WDR7: variants seen among roughly 807,000 people sequenced by gnomAD.
WDR7 encodes WD repeat domain 7.
In WDR7, 46 loss-of-function variants were observed where a neutral mutation model predicts 169.4. That is an observed-to-expected ratio of 0.27 (90% CI 0.21 to 0.35). The LOEUF (loss-of-function observed/expected upper bound fraction) is 0.35. Among genes scored for constraint, WDR7 ranks in the 10% least tolerant of loss-of-function variants. WDR7 has a pLI of 1.00. For synonymous variants in WDR7, 612 were observed against 666.8 expected, an observed-to-expected ratio of 0.92 and a Z score of 1.27; for missense variants, 1,534 against 1,859.3, an observed-to-expected ratio of 0.83 and a Z score of 3.22.
chr18:56,813,851 A>C (rs1449667679), intron 19 of WDR7, among the ~76,000 whole-genome samples: 15 of 152,068 alleles, frequency 9.9e-5, no homozygotes. Flanking sequence ...AGTTACTTTG[A>C]GATGTACTTG....
At chr18:56,924,171 G>A (rs2046770277) in intron 22 of WDR7, 63 bp downstream of exon 22, 1 of 1,574,628 alleles carries the variant, frequency 6.4e-7, no homozygotes, top group Non-Finnish European at 8.6e-7. Context: ...TTTTTTTGGT[G>A]GGTTTATTGA....
At chr18:57,013,557 TG>T (rs2048167038) in intron 26 of WDR7, among the ~76,000 whole-genome samples, 1 of 152,194 alleles carries the variant, frequency 6.6e-6, no homozygotes, top group Admixed American at 6.5e-5. Context: ...CCAGGTGATA[TG>T]ATGTAAGTGT....
chr18:56,821,000 T>C (rs1449602278), intron 20 of WDR7, among the ~76,000 whole-genome samples: 1 of 152,214 alleles, frequency 6.6e-6, no homozygotes, highest in Non-Finnish European at 1.5e-5. Flanking sequence ...AGTAATATTA[T>C]ATAGTATCAT....
chr18:56,989,216 C>T (rs1275661050), intron 26 of WDR7, among the ~76,000 whole-genome samples: 1 of 152,056 alleles, frequency 6.6e-6, no homozygotes, highest in Non-Finnish European at 1.5e-5. Flanking sequence ...TGTCTGTACT[C>T]TCCAGTGTGA....
intron 21 of WDR7, among the ~76,000 whole-genome samples, chr18:56,889,983 A>G (rs1037000795): frequency 3.3e-5 from 5 of 152,160 alleles, no homozygotes; most frequent in East Asian, 1.9e-4. Flanking sequence ...TCTACCTGCC[A>G]TTACATGGAA....
At chr18:56,824,601 C>T (rs2045163968) in intron 20 of WDR7, among the ~76,000 whole-genome samples, 1 of 152,190 alleles carries the variant, frequency 6.6e-6, no homozygotes, top group Non-Finnish European at 1.5e-5. Context: ...TCTCCTTAAC[C>T]TCCCTGCCCA....
At chr18:56,764,936 G>A (rs1243849658) in intron 16 of WDR7, among the ~76,000 whole-genome samples, 4 of 152,048 alleles carry the variant, frequency 2.6e-5, no homozygotes, top group Non-Finnish European at 4.4e-5. Flanking sequence ...CTTATTAGGT[G>A]CATAAACCTT....
chr18:56,958,949 G>C (rs186856878), intron 25 of WDR7, among the ~76,000 whole-genome samples: 1 of 152,252 alleles, frequency 6.6e-6, no homozygotes, highest in Admixed American at 6.5e-5. Context: ...CAAAGTCCCA[G>C]ATGGAGGATA....
intron 26 of WDR7, among the ~76,000 whole-genome samples, chr18:57,012,514 G>C (rs1334385896): frequency 6.6e-6 from 1 of 152,178 alleles, no homozygotes; most frequent in African/African-American, 2.4e-5. Context: ...ACTGTTGCCT[G>C]TCCAGAATGA....
At chr18:56,939,210 A>C (rs2047001685) in intron 24 of WDR7, 101 bp from the exon 25 acceptor site, 1 of 762,332 alleles carries the variant, frequency 1.3e-6, no homozygotes, top group Admixed American at 3.0e-5. Context: ...AAATAAAGCT[A>C]TATAGACTTT....
chr18:56,820,848 T>C lies in WDR7; in HGVS notation c.3304+4704T>C, dbSNP rs145408035. ...TTAGAGACTAGCTTATGTTCTCCTT[T>C]TACAATCAAATAAATTAATATCATT... On this transcript the variant is annotated intron_variant, in intron 20 of 27. Coordinates refer to ENST00000254442, the MANE Select transcript of WDR7 (RefSeq NM_015285.3). Among the ~76,000 whole-genome samples the C allele has an allele frequency of 1.8e-4, 28 of 152,274 alleles. No individual in the cohort carries two copies. The East Asian group carries it at 5.4e-3, about 29-fold the overall frequency.
intron 16 of WDR7, among the ~76,000 whole-genome samples, chr18:56,764,351 G>C (rs1480085691): frequency 1.3e-5 from 2 of 151,948 alleles, no homozygotes; most frequent in Non-Finnish European, 2.9e-5. Flanking sequence ...TCATTTTATG[G>C]TCAGATACTA....
chr18:56,985,290 TATAA>T (rs1455801168), intron 26 of WDR7, among the ~76,000 whole-genome samples: 2 of 152,204 alleles, frequency 1.3e-5, no homozygotes, highest in Admixed American at 1.3e-4. Context: ...GCATGATTAA[TATAA>T]ATATTATACT....
intron 25 of WDR7, among the ~76,000 whole-genome samples, chr18:56,946,761 C>T (rs1272493969): frequency 6.6e-6 from 1 of 151,868 alleles, no homozygotes; most frequent in East Asian, 1.9e-4. Context: ...TTTCAAAAGC[C>T]ATGAAAGTAA....
At chr18:56,980,722 G>T (rs183565264) in intron 26 of WDR7, among the ~76,000 whole-genome samples, 3 of 152,174 alleles carry the variant, frequency 2.0e-5, no homozygotes, top group Non-Finnish European at 4.4e-5. Context: ...ATGAGTAAGG[G>T]TTATGGAGAC....
intron 21 of WDR7, among the ~76,000 whole-genome samples, chr18:56,887,256 G>T (rs1294112529): frequency 1.3e-5 from 2 of 152,126 alleles, no homozygotes; most frequent in Non-Finnish European, 2.9e-5. Context: ...TGTATTTCTG[G>T]CATGAGCTCA....
Position 56,695,173 on chromosome 18 carries a change from G to A in WDR7, c.1332G>A (p.Leu444=), listed in dbSNP as rs755042883. 4 of 1,614,150 alleles carry A rather than the reference G, an allele frequency of 2.5e-6. No homozygotes were observed. Among genetic ancestry groups the A allele is most frequent in the Non-Finnish European group, 3.4e-6 (4 of 1,180,000 alleles). The part of the protein sequence containing the change: ...PATQTAIVQL[L]QGEHMLRRGW... ...CACAGACGGCCATAGTACAGCTGTT[G>A]CAAGGGGAACACATGCTCAGAAGAG... Residue 444 remains leucine, a synonymous_variant, in exon 11 of 28, where the codon TTG becomes TTA. Transcript: ENST00000254442.
intron 26 of WDR7, among the ~76,000 whole-genome samples, chr18:57,019,646 CTCT>C (rs1354073810): frequency 1.1e-4 from 17 of 152,200 alleles, no homozygotes; most frequent in Middle Eastern, 3.4e-3. Flanking sequence ...CCTGTTTTCC[CTCT>C]TCTTCTTCAT....
In WDR7 at chr18:56,676,697, CT is replaced by C. The variant is rs376550423; in HGVS notation, c.160-2625del. On this transcript the variant is annotated intron_variant, in intron 2 of 27. Transcript: ENST00000254442. Reference sequence around the variant, plus strand: ...CACCTTAACTTCCCTTGCTTTTTAACTTTTTTTTTTGTTTTTTTGGTTTTTT... The same window carrying C: ...CACCTTAACTTCCCTTGCTTTTTAACTTTTTTTTTGTTTTTTTGGTTTTTT... Among the ~76,000 whole-genome samples the C allele has an allele frequency of 6.6e-3, 981 of 148,012 alleles. 11 individuals carry two copies. Among genetic ancestry groups the C allele is most frequent in the African/African-American group, 0.023 (926 of 40,540 alleles).
Sources: allele counts gnomAD v4.1 joint callset (sites outside exome capture counted in the v4.1 genomes callset), GRCh38; gene constraint gnomAD v4.1.1; transcripts MANE v1.5; gene names NCBI Gene and HGNC (gene_info 2026-07-23, HGNC 2026-07-21).